Variants in MIOS observed in about 807,000 individuals in gnomAD.
The protein encoded by MIOS is GATOR2 complex protein MIOS.
MIOS carries 52 observed loss-of-function variants against 96.9 expected under a neutral mutation model. That is an observed-to-expected ratio of 0.54 (90% CI 0.43 to 0.68). The LOEUF (loss-of-function observed/expected upper bound fraction) is 0.68. Among genes scored for constraint, MIOS ranks in the 30% least tolerant of loss-of-function variants. MIOS has a pLI of 0.00. For missense variants in MIOS, 1,005 were observed against 1,052.8 expected, an observed-to-expected ratio of 0.95 and a Z score of 0.63; for synonymous variants, 397 against 359.5, an observed-to-expected ratio of 1.10 and a Z score of -1.18.
Position 7,573,538 on chromosome 7 carries a change from A to C in MIOS, c.1063A>C (p.Arg355=), listed in dbSNP as rs200973272. 6.4e-4 allele frequency: 1,036 copies of C among 1,614,018 alleles called. 2 individuals are homozygous for C. The highest frequency in any genetic ancestry group is 8.4e-4 in the Non-Finnish European group (988 of 1,179,958). Residue 355 remains arginine (R), a synonymous_variant, in exon 4 of 13, where the codon AGG becomes CGG. Transcript: ENST00000340080. This position sits in a 1 kb window ranked among gnomAD's most constrained non-coding sequence, Gnocchi z 5.0. The part of the protein sequence containing the change: ...RTMSDFTVFE[R]ISLAWSPITS... ...AATGTCAGACTTCACTGTTTTTGAA[A>C]GGATATCTCTTGCCTGGAGCCCAAT...
rs1402394591 is a variant in MIOS at position 7,601,504 on chromosome 7, C to T, written c.2402-4438C>T. On this transcript the variant is annotated intron_variant, in intron 11 of 12. Coordinates refer to ENST00000340080, the MANE Select transcript of MIOS (RefSeq NM_019005.4). ...GGATAAATTCCTGGACACATACACC[C>T]TCCCAAGACTAAACCAGGAAGAAGT... Among the ~76,000 whole-genome samples the T allele has an allele frequency of 1.4e-4, 22 of 152,236 alleles. 1 individual carries two copies. The highest frequency in any genetic ancestry group is 5.1e-4 in the African/African-American group (21 of 41,522).
At position 7,607,020 on chromosome 7, in the gene MIOS, G is replaced by T. The variant is rs7806046; in HGVS notation, c.2556G>T (p.Ser852=). 1,578,946 of 1,612,760 alleles carry T rather than the reference G, an allele frequency of 0.98. 772,995 individuals carry two copies. Among genetic ancestry groups the T allele is most frequent in the East Asian group, 1 (44,815 of 44,820 alleles). ...WFRDHAECPV[S]ACTCKCMQLD... ...GGGACCATGCAGAGTGCCCTGTGTC[G>T]GCATGCACGTGTAAATGTATGCAGT... Residue 852 remains serine, a synonymous_variant, in exon 13 of 13, where the codon TCG becomes TCT. Transcript: ENST00000340080.
At chr7:7,586,561 A>C (rs1359890883) in intron 7 of MIOS, among the ~76,000 whole-genome samples, 2 of 152,170 alleles carry the variant, frequency 1.3e-5, no homozygotes, top group Admixed American at 6.5e-5. Context: ...TGTGTTTGCT[A>C]CTGTACCATT....
intron 9 of MIOS, among the ~76,000 whole-genome samples, chr7:7,591,907 C>T (rs574455042): frequency 6.6e-6 from 1 of 152,016 alleles, no homozygotes; most frequent in Non-Finnish European, 1.5e-5. Context: ...TAAACCACTT[C>T]ATAGTGTTCG....
At chr7:7,598,588 G>T (rs1487150501) in intron 11 of MIOS, among the ~76,000 whole-genome samples, 2 of 148,440 alleles carry the variant, frequency 1.3e-5, no homozygotes, top group African/African-American at 2.6e-5. Flanking sequence ...AGAGCTCGAG[G>T]TAAAATATAG....
Position 7,568,660 on chromosome 7 carries a change from G to A in MIOS, c.-41+537G>A, listed in dbSNP as rs188739848. 1.4e-3 allele frequency among the ~76,000 whole-genome samples: 217 copies of A among 152,292 alleles called. 1 individual carries two copies. Among genetic ancestry groups the A allele is most frequent in the African/African-American group, 5.1e-3 (210 of 41,566 alleles). On this transcript the variant is annotated intron_variant, in intron 3 of 12. Coordinates refer to ENST00000340080, the MANE Select transcript of MIOS (RefSeq NM_019005.4). ...ATTGTAAATAATTTTTAAATGAGGG[G>A]CCCTGCATTGTTATTTTGCACCACG...
At chr7:7,605,832 A>G (rs1784514243) in intron 11 of MIOS, 110 bp from the exon 12 acceptor site, 15 of 1,116,010 alleles carry the variant, frequency 1.3e-5, no homozygotes, top group Middle Eastern at 2.4e-4. Context: ...TGCTATTTCA[A>G]TATGATGTGT....
intron 9 of MIOS, among the ~76,000 whole-genome samples, 155 bp downstream of exon 9, chr7:7,589,718 A>T (rs1583643953): frequency 6.6e-6 from 1 of 152,222 alleles, no homozygotes; most frequent in Admixed American, 6.5e-5. Context: ...CTTGTGCCTT[A>T]TCTTACTGTC....
intron 11 of MIOS, among the ~76,000 whole-genome samples, chr7:7,602,778 AAG>A (rs1296503841): frequency 6.6e-6 from 1 of 152,086 alleles, no homozygotes; most frequent in Admixed American, 6.5e-5. Context: ...CCCAAGCCAA[AAG>A]AACAAAGCCG....
At chr7:7,568,957 T>C (rs6946022) in intron 3 of MIOS, among the ~76,000 whole-genome samples, 148,515 of 152,346 alleles carry the variant, frequency 0.97, 72,402 homozygotes, top group East Asian at 1. Context: ...TTAAATTTTA[T>C]GCTAAAACTC....
In MIOS at chr7:7,606,058, C is replaced by G; in HGVS notation, c.2518C>G (p.Leu840Val). 2 of 1,613,616 alleles carry G rather than the reference C, an allele frequency of 1.2e-6. No homozygotes were observed. Among genetic ancestry groups the G allele is most frequent in the South Asian group, 1.1e-5 (1 of 91,032 alleles). Residue 840 changes from leucine (L) to valine (V), a missense_variant, in exon 12 of 13, where the codon CTT becomes GTT. Leu to Val is a conservative substitution (Grantham distance 32). Around this residue, in one of 3 missense-constraint regions of MIOS, gnomAD observed 865 missense variants for 887.9 expected, o/e 0.97. Coordinates refer to ENST00000340080, the MANE Select transcript of MIOS (RefSeq NM_019005.4). The stretch of plus-strand genomic sequence containing the variant: ...GCACGGTGGACATGCTGGACATATG[C>G]TTAGTTGGTTCAGGTAATCAGCACA... ...CRHGGHAGHM[L>V]SWFRDHAECP...
At chr7:7,568,653 A>G (rs1478687541) in intron 3 of MIOS, among the ~76,000 whole-genome samples, 1 of 152,210 alleles carries the variant, frequency 6.6e-6, no homozygotes, top group Non-Finnish European at 1.5e-5. Context: ...TAATTTTTAA[A>G]TGAGGGGCCC....
chr7:7,575,374 C>G (rs1366742314), intron 5 of MIOS, among the ~76,000 whole-genome samples: 1 of 152,066 alleles, frequency 6.6e-6, no homozygotes, highest in Non-Finnish European at 1.5e-5. Context: ...CAGTAGACTA[C>G]TTACTGATCA....
rs1387487339 is a variant in MIOS at position 7,573,026 on chromosome 7, A to G, written c.551A>G (p.Asn184Ser). ...VTKPLYELGQ[N>S]DACLSLCWLP... The stretch of plus-strand genomic sequence containing the variant: ...AAACCACTTTATGAGTTAGGACAGA[A>G]TGATGCTTGTCTGTCTCTTTGTTGG... Residue 184 changes from asparagine (N) to serine (S), a missense_variant, in exon 4 of 13, where the codon AAT (asparagine) becomes AGT (serine). Transcript: ENST00000340080. This position sits in a 1 kb window ranked among gnomAD's most constrained non-coding sequence, Gnocchi z 5.0. 1 of 1,613,962 alleles carries G rather than the reference A, an allele frequency of 6.2e-7. No homozygotes were observed. The highest frequency in any genetic ancestry group is 1.3e-5 in the African/African-American group (1 of 74,922).
Sources: gnomAD v4.1 joint callset for allele counts (sites outside exome capture counted in the v4.1 genomes callset) on GRCh38, gnomAD v4.1.1 for gene constraint, gnomAD v4.1.1 regional missense constraint, Gnocchi (gnomAD v3.1) non-coding constraint, MANE v1.5 for transcripts, NCBI Gene and HGNC (gene_info 2026-07-23, HGNC 2026-07-21) for gene names.